Variants in ATP4A observed in about 807,000 individuals in gnomAD.
The protein encoded by ATP4A is potassium-transporting ATPase alpha chain 1.
ATP4A carries 73 observed loss-of-function variants against 112.1 expected under a neutral mutation model. That is an observed-to-expected ratio of 0.65 (90% CI 0.54 to 0.79). ATP4A has a LOEUF of 0.79. Among genes scored for constraint, ATP4A ranks in the 30% least tolerant of loss-of-function variants. ATP4A has a pLI of 0.00. For missense variants in ATP4A, 1,081 were observed against 1,425.9 expected, an observed-to-expected ratio of 0.76 and a Z score of 3.90; for synonymous variants, 588 against 588.9, an observed-to-expected ratio of 1.00 and a Z score of 0.02.
In ATP4A at chr19:35,553,172, C is replaced by A; in HGVS notation, c.2616G>T (p.Gln872His). The A allele has an allele frequency of 6.3e-7, 1 of 1,597,498 alleles. No homozygotes were observed. The highest frequency in any genetic ancestry group is 8.6e-7 in the Non-Finnish European group (1 of 1,166,610). The stretch of plus-strand genomic sequence containing the variant: ...AGTAGTCAGTGAAGCCAGCAAAGGA[C>A]TGAATGGCACCTGGAGAGAGACAAG... ...AYSYFQIGAI[Q>H]SFAGFTDYFT... Residue 872 changes from glutamine (Q) to histidine (H), a missense_variant, in exon 18 of 22, where the codon CAG becomes CAT. Gln to His is a conservative substitution (Grantham distance 24). This residue lies in a region of ATP4A where 219 missense variants were observed against 320.9 expected (regional missense o/e 0.68). Transcript: ENST00000262623.
Position 35,560,659 on chromosome 19 carries a change from G to GGGGGGGGGGGGGAACAAA in ATP4A, c.535-45_535-44insTTTGTTCCCCCCCCCCCC. On this transcript the variant is annotated intron_variant, in intron 5 of 21. Transcript: ENST00000262623. The surrounding 1 kb of genome is among the most constrained non-coding windows in gnomAD (Gnocchi z 5.1). ...AAAGTTGAGGTGGACGGGGGTGGGG[G>GGGGGGGGGGGGGAACAAA]TGGGAGCTGCTGCATGTGGGGAGGT... 6.4e-7 allele frequency: 1 copy of GGGGGGGGGGGGGAACAAA among 1,556,016 alleles called. No homozygotes were observed. The highest frequency in any genetic ancestry group is 1.7e-5 in the Admixed American group (1 of 59,204).
At chr19:35,553,957 C>T (rs553088345) in intron 16 of ATP4A, 128 bp from the exon 17 acceptor site, 45 of 1,345,422 alleles carry the variant, frequency 3.3e-5, no homozygotes, top group Middle Eastern at 2.7e-4. Context: ...CCTGCAGGGA[C>T]GGCACAGCCA....
rs933437522 is a variant in ATP4A, at chr19:35,563,634, C to T, written c.-5G>A. On this transcript the variant is annotated 5_prime_UTR_variant, in exon 1 of 22. Coordinates refer to ENST00000262623, the MANE Select transcript of ATP4A (RefSeq NM_000704.3). The stretch of plus-strand genomic sequence containing the variant: ...CCCACTCACGGCCTTCCCCATGGTG[C>T]CCGGTGCCTGTGCTCCCACCCAACA... 1.2e-6 allele frequency: 2 copies of T among 1,614,028 alleles called. No individual in the cohort carries two copies. The highest frequency in any genetic ancestry group is 1.7e-6 in the Non-Finnish European group (2 of 1,179,988).
chr19:35,558,961 G>T lies in ATP4A; in HGVS notation c.1255+32C>A. On this transcript the variant is annotated intron_variant, in intron 8 of 21. Transcript: ENST00000262623. This position sits in a 1 kb window ranked among gnomAD's most constrained non-coding sequence, Gnocchi z 5.1. ...AGGTCTCCACCATCCACCAGATCCT[G>T]CCCTGGCGCCTGTGCCCTCCCTCCC... The T allele has an allele frequency of 3.7e-6, 6 of 1,611,944 alleles. No individual in the cohort carries two copies. Among genetic ancestry groups the T allele is most frequent in the African/African-American group, 1.3e-5 (1 of 74,992 alleles).
Position 35,551,093 on chromosome 19 carries a change from G to C in ATP4A, c.2904C>G (p.Ile968Met). 6.2e-7 allele frequency: 1 copy of C among 1,610,018 alleles called. No individual in the cohort carries two copies. The highest frequency in any genetic ancestry group is 8.5e-7 in the Non-Finnish European group (1 of 1,178,142). ...CGATGCAGACCTGGAACACGATGGCGATCACCAGGATCTTATTCCTGGGGG... is the reference window on the plus strand; with the variant it reads ...CGATGCAGACCTGGAACACGATGGCCATCACCAGGATCTTATTCCTGGGGG... ...QGFFRNKILVIAIVFQVCIGC... is the reference protein window; with the variant it reads ...QGFFRNKILVMAIVFQVCIGC... Residue 968 changes from isoleucine to methionine, a missense_variant, in exon 20 of 22, where the codon ATC becomes ATG. Ile to Met is a conservative substitution (Grantham distance 10). Around this residue, in one of 3 missense-constraint regions of ATP4A, gnomAD observed 219 missense variants for 320.9 expected, o/e 0.68. Transcript: ENST00000262623. The surrounding 1 kb of genome is among the most constrained non-coding windows in gnomAD (Gnocchi z 5.2).
Position 35,557,286 on chromosome 19 carries a change from A to T in ATP4A, c.1694-198T>A, listed in dbSNP as rs564512247. Among the ~76,000 whole-genome samples, 3 of 152,326 alleles carry T rather than the reference A, an allele frequency of 2.0e-5. No homozygotes were observed. The highest frequency in any genetic ancestry group is 7.2e-5 in the African/African-American group (3 of 41,570). On this transcript the variant is annotated intron_variant, in intron 11 of 21. Coordinates refer to ENST00000262623, the MANE Select transcript of ATP4A (RefSeq NM_000704.3). The surrounding 1 kb of genome is among the most constrained non-coding windows in gnomAD (Gnocchi z 4.4). ...GCCCATTCTCATCTTACAGATGAGG[A>T]AACTGAGGCTCAGAGAGGGGACATT...
Position 35,550,811 on chromosome 19 carries a change from A to G in ATP4A, c.3079+23T>C, listed in dbSNP as rs2071597079. 1 of 1,613,866 alleles carries G rather than the reference A, an allele frequency of 6.2e-7. No individual in the cohort carries two copies. Among genetic ancestry groups the G allele is most frequent in the Non-Finnish European group, 8.5e-7 (1 of 1,179,802 alleles). The stretch of plus-strand genomic sequence containing the variant: ...TCAAACGTTTCAGTCCCCTGCCCCC[A>G]GGCTCCCAGTCTCCACACTCACTCC... On this transcript the variant is annotated intron_variant, in intron 21 of 21. Transcript: ENST00000262623. The surrounding 1 kb of genome is among the most constrained non-coding windows in gnomAD (Gnocchi z 4.1).
rs2071597871 is a variant in ATP4A, at chr19:35,550,903, G to C, written c.3010C>G (p.Leu1004Val). The part of the protein sequence containing the change: ...PIRFQWWLVP[L>V]PYGILIFVYD... ...ACGAAGATGAGGATGCCGTAGGGCA[G>C]GGGGACCAGCCACCACTGGAACCTG... The change falls in exon 21 of 22, where the codon CTG (leucine) becomes GTG (valine). Residue 1004 changes from leucine to valine, a missense_variant. Leu to Val is a conservative substitution (Grantham distance 32, BLOSUM62 1). Around this residue, in one of 3 missense-constraint regions of ATP4A, gnomAD observed 219 missense variants for 320.9 expected, o/e 0.68. Coordinates refer to ENST00000262623, the MANE Select transcript of ATP4A (RefSeq NM_000704.3). This position sits in a 1 kb window ranked among gnomAD's most constrained non-coding sequence, Gnocchi z 4.1. The C allele has an allele frequency of 1.9e-6, 3 of 1,614,178 alleles. No homozygotes were observed. The South Asian group carries it at 3.3e-5, about 18-fold the overall frequency.
rs763497915 is a variant in ATP4A, at chr19:35,558,664, C to T, written c.1278G>A (p.Ser426=). The T allele has an allele frequency of 5.6e-6, 9 of 1,602,192 alleles. No individual in the cohort carries two copies. In the East Asian group the frequency reaches 1.8e-4, roughly 32 times the overall value. The part of the protein sequence containing the change: ...DQSGQTFDQS[S]ETWRALCRVL... ...CCCGGCACAGCGCCCGCCACGTCTC[C>T]GAGGACTGGTCAAACGTCTGCCCTG... The change falls in exon 9 of 22, where the codon TCG becomes TCA. Residue 426 remains serine, a synonymous_variant. Transcript: ENST00000262623. This position sits in a 1 kb window ranked among gnomAD's most constrained non-coding sequence, Gnocchi z 5.1.
rs573073896 is a variant in ATP4A, at chr19:35,558,922, C to T, written c.1255+71G>A. The T allele has an allele frequency of 6.3e-7, 1 of 1,576,160 alleles. No homozygotes were observed. Among genetic ancestry groups the T allele is most frequent in the East Asian group, 2.2e-5 (1 of 44,582 alleles). The stretch of plus-strand genomic sequence containing the variant: ...CCTTCGTACAAAGCCCTCCCTACCT[C>T]CCTATCCCTCTTCAGGTCTCCACCA... On this transcript the variant is annotated intron_variant, in intron 8 of 21. Transcript: ENST00000262623. The surrounding 1 kb of genome is among the most constrained non-coding windows in gnomAD (Gnocchi z 5.1).
chr19:35,553,092 G>T lies in ATP4A; in HGVS notation c.2696C>A (p.Ala899Glu). ...WFPLLCVGLRAQWEDHHLQDL... is the reference protein window; with the variant it reads ...WFPLLCVGLREQWEDHHLQDL... ...TTGTAGGTGGTGGTCCTCCCACTGCGCCCGCAGCCCCACGCACAGCAGTGG... is the reference window on the plus strand; with the variant it reads ...TTGTAGGTGGTGGTCCTCCCACTGCTCCCGCAGCCCCACGCACAGCAGTGG... Residue 899 changes from alanine to glutamate, a missense_variant, in exon 18 of 22, where the codon GCG (alanine) becomes GAG (glutamate). Physicochemically the swap from Ala to Glu is moderately radical, Grantham distance 107 (BLOSUM62 -1). Coordinates refer to ENST00000262623, the MANE Select transcript of ATP4A (RefSeq NM_000704.3). 6.2e-7 allele frequency: 1 copy of T among 1,611,522 alleles called. No individual in the cohort carries two copies. Among genetic ancestry groups the T allele is most frequent in the Non-Finnish European group, 8.5e-7 (1 of 1,177,932 alleles).
rs1314865513 is a variant in ATP4A at position 35,555,645 on chromosome 19, G to A, written c.2006+31C>T. On this transcript the variant is annotated intron_variant, in intron 13 of 21. Coordinates refer to ENST00000262623, the MANE Select transcript of ATP4A (RefSeq NM_000704.3). The surrounding 1 kb of genome is among the most constrained non-coding windows in gnomAD (Gnocchi z 6.6). ...GACCTCGGTCTGTGCCAGATGTGGG[G>A]AGAACCCCGGGGAGGTCTGGGGGGG... 2 of 1,587,262 alleles carry A rather than the reference G, an allele frequency of 1.3e-6. No homozygotes were observed. Among genetic ancestry groups the A allele is most frequent in the African/African-American group, 1.3e-5 (1 of 74,564 alleles).
chr19:35,562,976 C>A (rs2071680689), intron 3 of ATP4A, among the ~76,000 whole-genome samples: 1 of 151,470 alleles, frequency 6.6e-6, no homozygotes. Flanking sequence ...TTCTCTCCCT[C>A]TCCCTCTCTC....
At position 35,560,968 on chromosome 19, in the gene ATP4A, G is replaced by C; in HGVS notation, c.421-36C>G. The C allele has an allele frequency of 6.3e-6, 10 of 1,580,680 alleles. No individual in the cohort carries two copies. The highest frequency in any genetic ancestry group is 7.8e-6 in the Non-Finnish European group (9 of 1,150,414). ...GGAAGGGGTGGGGTTATTCAGAGGG[G>C]CCGGAAGCTGCCTGCCTGAGGCCAC... On this transcript the variant is annotated intron_variant, in intron 4 of 21. Coordinates refer to ENST00000262623, the MANE Select transcript of ATP4A (RefSeq NM_000704.3). This position sits in a 1 kb window ranked among gnomAD's most constrained non-coding sequence, Gnocchi z 5.1.
chr19:35,563,309 C>A (rs1179403651), intron 2 of ATP4A, 41 bp from the exon 3 acceptor site: 1 of 1,613,762 alleles, frequency 6.2e-7, no homozygotes, highest in Admixed American at 1.7e-5. Context: ...TCTGGGCTCT[C>A]CTGGCCCCCT....
In ATP4A at chr19:35,559,253, C is replaced by T. The variant is rs1358718606; in HGVS notation, c.1057-62G>A. The T allele has an allele frequency of 8.4e-6, 13 of 1,546,942 alleles. No homozygotes were observed. In the East Asian group the frequency reaches 2.5e-4, roughly 29 times the overall value. The stretch of plus-strand genomic sequence containing the variant: ...CCCTGGCTTCCAGTCCTCTTCCCCG[C>T]GTCAAAGAACGGGGAAGGCTTTACC... On this transcript the variant is annotated intron_variant, in intron 7 of 21. Coordinates refer to ENST00000262623, the MANE Select transcript of ATP4A (RefSeq NM_000704.3). The surrounding 1 kb of genome is among the most constrained non-coding windows in gnomAD (Gnocchi z 4.1).
At chr19:35,552,909 G>C in intron 18 of ATP4A, 128 bp downstream of exon 18, 1 of 1,238,366 alleles carries the variant, frequency 8.1e-7, no homozygotes, top group Non-Finnish European at 1.1e-6. Context: ...AACTGGCAGG[G>C]AGTCTGGGGG....
intron 4 of ATP4A, among the ~76,000 whole-genome samples, chr19:35,561,989 G>A (rs2071673744): frequency 6.6e-6 from 1 of 151,608 alleles, no homozygotes; most frequent in East Asian, 1.9e-4. Context: ...CCAAGTAACT[G>A]GGATTACAGG....
chr19:35,559,946 G>A lies in ATP4A; in HGVS notation c.915C>T (p.Ile305=), dbSNP rs978088014. 1.1e-5 allele frequency: 18 copies of A among 1,614,124 alleles called. No individual in the cohort carries two copies. The highest frequency in any genetic ancestry group is 2.7e-5 in the African/African-American group (2 of 74,946). ...CGAAGAGAATGGCCAGGCCCGCGAT[G>A]ATGTCCACAAAATGCTCGATCTCGA... ...IAIEIEHFVD[I]IAGLAILFGA... The change falls in exon 7 of 22, where the codon ATC becomes ATT. Residue 305 remains isoleucine (I), a synonymous_variant. Transcript: ENST00000262623. This position sits in a 1 kb window ranked among gnomAD's most constrained non-coding sequence, Gnocchi z 4.1.
Sources: gnomAD v4.1 joint callset for allele counts (sites outside exome capture counted in the v4.1 genomes callset) on GRCh38, gnomAD v4.1.1 for gene constraint, gnomAD v4.1.1 regional missense constraint, Gnocchi (gnomAD v3.1) non-coding constraint, MANE v1.5 for transcripts, NCBI Gene and HGNC (gene_info 2026-07-23, HGNC 2026-07-21) for gene names.